Variants in BIRC6 observed in about 807,000 individuals in gnomAD.
The protein encoded by BIRC6 is baculoviral IAP repeat containing 6.
In BIRC6, 98 loss-of-function variants were observed where a neutral mutation model predicts 503.3. That is an observed-to-expected ratio of 0.19 (90% CI 0.17 to 0.23). BIRC6 has a LOEUF of 0.23. BIRC6 is among the 10% of genes least tolerant of loss of function. BIRC6 has a pLI of 1.00. For synonymous variants in BIRC6, 2,240 were observed against 2,078.7 expected (o/e 1.08, Z -2.11); for missense variants, 5,360 against 5,806.0 (o/e 0.92, Z 2.50).
chr2:32,467,595 T>C lies in BIRC6; in HGVS notation c.5427T>C (p.Cys1809=), dbSNP rs761386905. 3 of 1,613,966 alleles carry C rather than the reference T, an allele frequency of 1.9e-6. No individual in the cohort carries two copies. The highest frequency in any genetic ancestry group is 1.1e-5 in the South Asian group (1 of 91,078). The change falls in exon 27 of 74, where the codon TGT becomes TGC. Residue 1809 remains cysteine (C), a synonymous_variant. Coordinates refer to ENST00000421745, the MANE Select transcript of BIRC6 (RefSeq NM_016252.4). ...TGACTGATGTATTGATTCCCACTTG[T>C]GGAGACTTGGCCTCTTTGTCAATTG... ...ILLTDVLIPT[C]GDLASLSIDI...
At chr2:32,466,299 G>T (rs938057660) in intron 26 of BIRC6, among the ~76,000 whole-genome samples, 1 of 152,138 alleles carries the variant, frequency 6.6e-6, no homozygotes, top group African/African-American at 2.4e-5. Context: ...TCTGCCTTCT[G>T]TTTTTTAATT....
rs923356210 is a variant in BIRC6, at chr2:32,468,543, G to A, written c.5887G>A (p.Ala1963Thr). The A allele has an allele frequency of 3.1e-6, 5 of 1,613,910 alleles. No homozygotes were observed. Among genetic ancestry groups the A allele is most frequent in the Admixed American group, 1.7e-5 (1 of 60,022 alleles). Residue 1963 changes from alanine (A) to threonine (T), a missense_variant, in exon 29 of 74, where the codon GCA becomes ACA. Physicochemically the swap from Ala to Thr is moderately conservative, Grantham distance 58. Coordinates refer to ENST00000421745, the MANE Select transcript of BIRC6 (RefSeq NM_016252.4). ...AQYFLRKPDKAVEEDSRVFSA... is the reference protein window; with the variant it reads ...AQYFLRKPDKTVEEDSRVFSA... ...GTACTTTTTACGAAAACCAGATAAG[G>A]CAGTTGAGGAAGACAGTAGGGTTTT...
At chr2:32,439,917 C>A (rs956656478) in intron 16 of BIRC6, among the ~76,000 whole-genome samples, 2 of 152,110 alleles carry the variant, frequency 1.3e-5, no homozygotes, top group Non-Finnish European at 2.9e-5. Flanking sequence ...CTCACTCTTT[C>A]CCCCAGGCTG....
At chr2:32,482,297 G>A (rs2050496247) in intron 38 of BIRC6, 132 bp from the exon 39 acceptor site, 3 of 889,138 alleles carry the variant, frequency 3.4e-6, no homozygotes, top group Non-Finnish European at 3.3e-6. Flanking sequence ...AAAATTATAA[G>A]GGGATTTGGG....
chr2:32,493,455 G>T, intron 44 of BIRC6, 85 bp from the exon 45 acceptor site: 2 of 1,330,224 alleles, frequency 1.5e-6, no homozygotes, highest in South Asian at 3.2e-5. Context: ...TATAGCTTTT[G>T]ACTTTCTACT....
intron 13 of BIRC6, among the ~76,000 whole-genome samples, chr2:32,434,156 G>C (rs2044428853): frequency 6.6e-6 from 1 of 152,092 alleles, no homozygotes; most frequent in Non-Finnish European, 1.5e-5. Flanking sequence ...TTACTTTTAA[G>C]GTTATTAGTG....
chr2:32,408,130 A>G (rs1178991293), intron 9 of BIRC6, among the ~76,000 whole-genome samples: 1 of 151,808 alleles, frequency 6.6e-6, no homozygotes, highest in African/African-American at 2.4e-5. Context: ...ACCACACCTG[A>G]CTAATTTTTG....
chr2:32,607,840 C>G (rs951828013), intron 72 of BIRC6, among the ~76,000 whole-genome samples, 197 bp downstream of exon 72: 2 of 151,302 alleles, frequency 1.3e-5, no homozygotes, highest in Admixed American at 6.6e-5. Context: ...GATAAATTAG[C>G]CAGGCATGGT....
chr2:32,383,414 G>A lies in BIRC6; in HGVS notation c.645+3124G>A, dbSNP rs565156134. 1.5e-3 allele frequency among the ~76,000 whole-genome samples: 225 copies of A among 152,084 alleles called. 2 individuals carry two copies. Among genetic ancestry groups the A allele is most frequent in the African/African-American group, 5.2e-3 (215 of 41,540 alleles). ...AGAAGATATCTAATTTCTTTTTTTTGTATTACCTGTTCCTTATTAGCTCTG... is the reference window on the plus strand; with the variant it reads ...AGAAGATATCTAATTTCTTTTTTTTATATTACCTGTTCCTTATTAGCTCTG... On this transcript the variant is annotated intron_variant, in intron 3 of 73. Coordinates refer to ENST00000421745, the MANE Select transcript of BIRC6 (RefSeq NM_016252.4).
intron 12 of BIRC6, 59 bp downstream of exon 12, chr2:32,431,149 A>G: frequency 4.3e-6 from 4 of 937,572 alleles, no homozygotes; most frequent in East Asian, 2.8e-5. Flanking sequence ...TGTCAGAGAC[A>G]ACGTAGAATT....
At chr2:32,540,413 T>C (rs2057568934) in intron 61 of BIRC6, among the ~76,000 whole-genome samples, 1 of 152,030 alleles carries the variant, frequency 6.6e-6, no homozygotes, top group Admixed American at 6.5e-5. Context: ...TATTTGTGTT[T>C]TAGACATTAT....
intron 68 of BIRC6, among the ~76,000 whole-genome samples, chr2:32,597,291 G>A (rs189771714): frequency 2.0e-5 from 3 of 152,188 alleles, no homozygotes; most frequent in Admixed American, 2.0e-4. Flanking sequence ...GTAAATATTT[G>A]TGCATATCCA....
chr2:32,422,808 G>A (rs1393635829), intron 10 of BIRC6, among the ~76,000 whole-genome samples: 1 of 151,890 alleles, frequency 6.6e-6, no homozygotes, highest in African/African-American at 2.4e-5. Context: ...CTTATACTTA[G>A]TACTCCAATG....
Position 32,436,098 on chromosome 2 carries a change from T to A in BIRC6, c.3545T>A (p.Leu1182Gln). Reference sequence around the variant, plus strand: ...TTGGAGGATCATAAAGAAGACATTCTATGTGGGCCAGTATGGCTTGCTAGT... The same window carrying A: ...TTGGAGGATCATAAAGAAGACATTCAATGTGGGCCAGTATGGCTTGCTAGT... The part of the protein sequence containing the change: ...PFLEDHKEDI[L>Q]CGPVWLASGL... The change falls in exon 15 of 74, where the codon CTA (leucine) becomes CAA (glutamine). Residue 1182 changes from leucine to glutamine, a missense_variant. Coordinates refer to ENST00000421745, the MANE Select transcript of BIRC6 (RefSeq NM_016252.4). 1 of 1,476,494 alleles carries A rather than the reference T, an allele frequency of 6.8e-7. No individual in the cohort carries two copies. Among genetic ancestry groups the A allele is most frequent in the South Asian group, 1.4e-5 (1 of 70,240 alleles). The allele number at this position is 1,476,494 out of a possible 1,614,324, so 91.5% of individuals were successfully genotyped here. A position where few individuals can be genotyped will look rare whatever the true frequency, so the allele number is the denominator to read the frequency against.
chr2:32,486,874 G>A (rs954795496), intron 40 of BIRC6, among the ~76,000 whole-genome samples: 4 of 152,080 alleles, frequency 2.6e-5, no homozygotes, highest in Non-Finnish European at 1.5e-5. Context: ...GCAATATGGG[G>A]ATCCCTTTTG....
At chr2:32,448,721 T>TA in intron 21 of BIRC6, 74 bp from the exon 22 acceptor site, 1 of 1,449,914 alleles carries the variant, frequency 6.9e-7, no homozygotes. Context: ...AGACTGCTTT[T>TA]AAAACTAAGT....
intron 36 of BIRC6, 52 bp from the exon 37 acceptor site, chr2:32,479,410 A>T: frequency 5.3e-6 from 8 of 1,508,148 alleles, no homozygotes; most frequent in Non-Finnish European, 7.2e-6. Context: ...GCTGTAATAC[A>T]TTTTCGAAAT....
intron 66 of BIRC6, among the ~76,000 whole-genome samples, chr2:32,583,604 A>G (rs72787505): frequency 0.063 from 9,631 of 152,312 alleles, 397 homozygotes; most frequent in Middle Eastern, 0.095. Context: ...GTTAGAGTTA[A>G]GTATTCTCAG....
chr2:32,525,319 G>A (rs950610476), intron 58 of BIRC6, 145 bp from the exon 59 acceptor site: 2 of 881,776 alleles, frequency 2.3e-6, no homozygotes, highest in Non-Finnish European at 3.4e-6. Context: ...ATAGAATTGG[G>A]AGATTAGATA....
Sources: allele counts gnomAD v4.1 joint callset (sites outside exome capture counted in the v4.1 genomes callset), GRCh38; gene constraint gnomAD v4.1.1; transcripts MANE v1.5; gene names NCBI Gene and HGNC (gene_info 2026-07-23, HGNC 2026-07-21).